The following ATP8B1 variants were observed in gnomAD, a reference collection of about 807,000 sequenced individuals.
The protein encoded by ATP8B1 is phospholipid-transporting ATPase IC.
Under a neutral mutation model 149.9 loss-of-function variants are expected in ATP8B1, and 80 were observed. That is an observed-to-expected ratio of 0.53 (90% CI 0.45 to 0.64). The LOEUF (loss-of-function observed/expected upper bound fraction) is 0.64, where lower values mean the gene tolerates loss of function less well. ATP8B1 is among the 30% of genes least tolerant of loss of function. The pLI is 0.00. For missense variants in ATP8B1, 1,247 were observed against 1,552.6 expected (o/e 0.80, Z 3.31); for synonymous variants, 536 against 562.8 (o/e 0.95, Z 0.67).
intron 2 of ATP8B1, among the ~76,000 whole-genome samples, chr18:57,727,739 A>G (rs1294850586): frequency 1.3e-5 from 2 of 152,200 alleles, no homozygotes; most frequent in African/African-American, 4.8e-5. Context: ...GTGAGCCGAT[A>G]TCGCGCCTCT....
At chr18:57,705,149 A>T (rs116402766) in intron 3 of ATP8B1, among the ~76,000 whole-genome samples, 1 of 152,248 alleles carries the variant, frequency 6.6e-6, no homozygotes, top group Non-Finnish European at 1.5e-5. Context: ...CCAAGCCTCA[A>T]AATGACTACT....
intron 1 of ATP8B1, among the ~76,000 whole-genome samples, chr18:57,752,439 A>G (rs1794344303): frequency 6.6e-6 from 1 of 152,076 alleles, no homozygotes; most frequent in Admixed American, 6.6e-5. Context: ...TATAACATGA[A>G]GATAATGGTT....
Position 57,732,637 on chromosome 18 carries a change from A to G in ATP8B1, c.-25-805T>C, listed in dbSNP as rs371520200. 4.6e-5 allele frequency among the ~76,000 whole-genome samples: 7 copies of G among 151,934 alleles called. No individual in the cohort carries two copies. The East Asian group carries it at 7.8e-4, about 17-fold the overall frequency. ...GAGTGCAATGGCACGATCTCGGCTC[A>G]CTGTCACCTCCGCCTCCTGTGTTCA... On this transcript the variant is annotated intron_variant, in intron 1 of 27. Coordinates refer to ENST00000648908, the MANE Select transcript of ATP8B1 (RefSeq NM_001374385.1).
intron 15 of ATP8B1, among the ~76,000 whole-genome samples, chr18:57,677,024 G>GA (rs979867052): frequency 2.6e-5 from 4 of 152,020 alleles, no homozygotes; most frequent in South Asian, 2.1e-4. Context: ...TAGGAAAAAA[G>GA]AAAAAACCAA....
At chr18:57,753,255 C>T (rs576079222) in intron 1 of ATP8B1, among the ~76,000 whole-genome samples, 3 of 152,306 alleles carry the variant, frequency 2.0e-5, no homozygotes, top group South Asian at 4.1e-4. Context: ...GTGAAACAAA[C>T]CACATTTCAA....
intron 1 of ATP8B1, among the ~76,000 whole-genome samples, chr18:57,796,878 C>A (rs2080520550): frequency 6.6e-6 from 1 of 152,174 alleles, no homozygotes; most frequent in Non-Finnish European, 1.5e-5. Context: ...GTCTCGATCT[C>A]TTGACCTCAT....
At chr18:57,672,342 C>T (rs1025001196) in intron 16 of ATP8B1, among the ~76,000 whole-genome samples, 1 of 152,104 alleles carries the variant, frequency 6.6e-6, no homozygotes, top group Non-Finnish European at 1.5e-5. Flanking sequence ...TGTAATACAT[C>T]CCTCACTGTT....
chr18:57,794,829 G>GA (rs2080497439), intron 1 of ATP8B1, among the ~76,000 whole-genome samples: 2 of 140,680 alleles, frequency 1.4e-5, no homozygotes, highest in African/African-American at 5.7e-5. Context: ...AGAAAGAATG[G>GA]CATATGACTG....
At chr18:57,656,901 G>A (rs1325452536) in intron 22 of ATP8B1, among the ~76,000 whole-genome samples, 1 of 152,002 alleles carries the variant, frequency 6.6e-6, no homozygotes, top group African/African-American at 2.4e-5. Flanking sequence ...GGGGTTCCTG[G>A]TGCAAATCTA....
intron 21 of ATP8B1, among the ~76,000 whole-genome samples, chr18:57,661,719 T>A (rs866015077): frequency 0.06 from 2,557 of 42,916 alleles, 19 homozygotes; most frequent in South Asian, 0.12. Context: ...ATATATTTTT[T>A]TTTTTTTTTT....
At chr18:57,701,700 CTTT>C (rs1332049355) in intron 4 of ATP8B1, among the ~76,000 whole-genome samples, 1 of 144,060 alleles carries the variant, frequency 6.9e-6, no homozygotes. Context: ...CTTTTTTTTT[CTTT>C]TTTTTTTTTT....
chr18:57,713,205 T>TC (rs1913797688), intron 2 of ATP8B1, among the ~76,000 whole-genome samples: 1 of 108,584 alleles, frequency 9.2e-6, no homozygotes, highest in African/African-American at 3.8e-5. Context: ...CTTTCCTTCC[T>TC]TCCTTCCTTC....
chr18:57,798,008 A>C (rs1442653127), intron 1 of ATP8B1, among the ~76,000 whole-genome samples: 2 of 152,066 alleles, frequency 1.3e-5, no homozygotes, highest in Non-Finnish European at 2.9e-5. Flanking sequence ...CAGGCCTCTG[A>C]TCTGCTTTCT....
rs1909643927 is a variant in ATP8B1, at chr18:57,651,906, T to G, written c.3400+128A>C. The G allele has an allele frequency of 9.7e-5, 118 of 1,214,168 alleles. No individual in the cohort carries two copies. The South Asian group carries it at 1.5e-3, about 15-fold the overall frequency. 75.2% of individuals were successfully genotyped at this position (1,214,168 alleles called of 1,614,324 possible). On this transcript the variant is annotated intron_variant, in intron 26 of 27. Transcript: ENST00000648908. The stretch of plus-strand genomic sequence containing the variant: ...GCCTCGGCCTCCCAAAATGCTGGGA[T>G]TACAGGTGTGAGCCACTGTGCCCAG...
intron 1 of ATP8B1, among the ~76,000 whole-genome samples, chr18:57,745,307 T>C (rs2079954581): frequency 6.6e-6 from 1 of 152,184 alleles, no homozygotes; most frequent in Non-Finnish European, 1.5e-5. Context: ...TGTCTTGCTC[T>C]GTCACCCAGG....
intron 15 of ATP8B1, among the ~76,000 whole-genome samples, chr18:57,680,936 G>A (rs925378432): frequency 6.6e-6 from 1 of 152,114 alleles, no homozygotes; most frequent in Admixed American, 6.6e-5. Context: ...GTGCAGGCGG[G>A]AGTCTGCAAT....
At chr18:57,717,821 C>T (rs560836623) in intron 2 of ATP8B1, among the ~76,000 whole-genome samples, 53 of 150,992 alleles carry the variant, frequency 3.5e-4, no homozygotes, top group African/African-American at 1.1e-3. Flanking sequence ...CTGCAACCTC[C>T]GCCTCCCAGG....
At chr18:57,721,252 A>C (rs567428806) in intron 2 of ATP8B1, among the ~76,000 whole-genome samples, 2 of 147,650 alleles carry the variant, frequency 1.4e-5, no homozygotes, top group African/African-American at 5.0e-5. Flanking sequence ...AACAATATTC[A>C]CTTTAAATGT....
intron 15 of ATP8B1, among the ~76,000 whole-genome samples, chr18:57,679,009 C>T (rs1384797377): frequency 1.4e-5 from 2 of 140,418 alleles, no homozygotes; most frequent in Non-Finnish European, 3.0e-5. Context: ...CAATTCCCAG[C>T]CAACGCAGCA....
Sources: allele counts gnomAD v4.1 joint callset (sites outside exome capture counted in the v4.1 genomes callset), GRCh38; gene constraint gnomAD v4.1.1; transcripts MANE v1.5; gene names NCBI Gene and HGNC (gene_info 2026-07-23, HGNC 2026-07-21).